Variants in RASEF observed in about 807,000 individuals in gnomAD.
RASEF encodes ras and EF-hand domain-containing protein.
RASEF carries 68 observed loss-of-function variants against 90.1 expected under a neutral mutation model. That is an observed-to-expected ratio of 0.75 (90% CI 0.62 to 0.92). The LOEUF is 0.92. Ranked by LOEUF, RASEF falls within the 40% of genes least tolerant of loss-of-function variation. The pLI, the probability that RASEF is intolerant of heterozygous loss-of-function variation, is 0.00. For synonymous variants in RASEF, 331 were observed against 345.2 expected, an observed-to-expected ratio of 0.96 and a Z score of 0.46; for missense variants, 949 against 937.2, an observed-to-expected ratio of 1.01 and a Z score of -0.16.
At chr9:83,033,217 G>A (rs915573906) in intron 1 of RASEF, among the ~76,000 whole-genome samples, 3 of 152,264 alleles carry the variant, frequency 2.0e-5, no homozygotes, top group Non-Finnish European at 4.4e-5. Context: ...ATCTGAACAT[G>A]AGACATGAAA....
chr9:83,117,118 T>G, the RASEF span, among the ~76,000 whole-genome samples: 1 of 151,716 alleles, frequency 6.6e-6, no homozygotes, highest in Non-Finnish European at 1.5e-5. Context: ...AACTTTCAAC[T>G]CATGTTGGGG....
Position 82,980,498 on chromosome 9 carries a change from A to G in RASEF, c.*2179T>C, listed in dbSNP as rs1289689450. 2 of 152,224 alleles carry G rather than the reference A, an allele frequency of 1.3e-5. No individual in the cohort carries two copies. The highest frequency in any genetic ancestry group is 4.8e-5 in the African/African-American group (2 of 41,468). 9.4% of individuals were successfully genotyped at this position (152,224 alleles called of 1,614,324 possible). ...ATCTCATCAACGTGGCTATACTGAC[A>G]GGACAATCCAGAGGTAAAGACTATG... is the stretch of plus-strand genomic sequence containing the variant. On this transcript the variant is annotated 3_prime_UTR_variant, in exon 17 of 17. Transcript: ENST00000376447.
the RASEF span, among the ~76,000 whole-genome samples, chr9:83,112,550 G>A: frequency 6.6e-6 from 1 of 152,160 alleles, no homozygotes; most frequent in Non-Finnish European, 1.5e-5. Flanking sequence ...AGCTGGGCAT[G>A]GTGGCTCATG....
the RASEF span, among the ~76,000 whole-genome samples, chr9:83,147,148 A>G: frequency 6.6e-6 from 1 of 151,782 alleles, no homozygotes; most frequent in Admixed American, 6.6e-5. Context: ...CACCTCAGAA[A>G]GAACAATTAT....
At position 83,025,057 on chromosome 9, in the gene RASEF, G is replaced by A. The variant is rs112168300; in HGVS notation, c.578+718C>T. On this transcript the variant is annotated intron_variant, in intron 2 of 16. Transcript: ENST00000376447. ...GCTAAAGGAATGCAGTTTTTCCAGG[G>A]GGCAAAGAGGCTGACGTTTGGACTG... Among the ~76,000 whole-genome samples the A allele has an allele frequency of 1.8e-3, 275 of 152,254 alleles. 2 individuals carry two copies. The highest frequency in any genetic ancestry group is 6.3e-3 in the African/African-American group (261 of 41,526).
At chr9:83,153,126 T>C in the RASEF span, among the ~76,000 whole-genome samples, 1 of 152,308 alleles carries the variant, frequency 6.6e-6, no homozygotes, top group African/African-American at 2.4e-5. Context: ...AACTCAGCCA[T>C]AATGATTTTA....
At position 83,005,076 on chromosome 9, in the gene RASEF, T is replaced by C. The variant is rs757308238; in HGVS notation, c.1113+340A>G. The stretch of plus-strand genomic sequence containing the variant: ...GCTAAGCTGATTTCTGTAGGAGGGT[T>C]TGAAATCCAAGGCTCCCATTCTGAG... On this transcript the variant is annotated intron_variant, in intron 8 of 16. Coordinates refer to ENST00000376447, the MANE Select transcript of RASEF (RefSeq NM_152573.4). Among the ~76,000 whole-genome samples the C allele has an allele frequency of 5.1e-4, 77 of 152,124 alleles. 1 individual carries two copies. Among genetic ancestry groups the C allele is most frequent in the Non-Finnish European group, 3.8e-4 (26 of 68,024 alleles).
At chr9:83,104,593 C>T in the RASEF span, among the ~76,000 whole-genome samples, 3 of 152,060 alleles carry the variant, frequency 2.0e-5, no homozygotes, top group Non-Finnish European at 4.4e-5. Flanking sequence ...GGTATCCGTC[C>T]ATCTGAACTA....
At chr9:83,147,387 T>C in the RASEF span, among the ~76,000 whole-genome samples, 1 of 152,160 alleles carries the variant, frequency 6.6e-6, no homozygotes, top group Admixed American at 6.5e-5. Context: ...CATATTAAAA[T>C]TGTGCAAAAA....
the RASEF span, among the ~76,000 whole-genome samples, chr9:83,116,558 G>T: frequency 1.0e-3 from 152 of 152,282 alleles, 1 homozygote; most frequent in African/African-American, 3.6e-3. Context: ...TAGGCTGTAA[G>T]AAAACAAAGT....
intron 5 of RASEF, among the ~76,000 whole-genome samples, chr9:83,011,549 T>TAAA (rs1829243602): frequency 3.3e-4 from 3 of 9,102 alleles, no homozygotes; most frequent in African/African-American, 7.2e-4. Context: ...AGACTCCATC[T>TAAA]CAAAAAAAAA....
chr9:82,990,801 A>G lies in RASEF; in HGVS notation c.2041-334T>C, dbSNP rs139635283. Among the ~76,000 whole-genome samples, 289 of 152,286 alleles carry G rather than the reference A, an allele frequency of 1.9e-3. 1 individual carries two copies. The highest frequency in any genetic ancestry group is 4.8e-3 in the Admixed American group (73 of 15,294). On this transcript the variant is annotated intron_variant, in intron 15 of 16. Transcript: ENST00000376447. ...GACAGATAAAAATGAGTTCAAGGTA[A>G]CCACTCAGGAATTAAATGTCCATCA...
At chr9:82,999,999 AC>A (rs1828995152) in intron 12 of RASEF, among the ~76,000 whole-genome samples, 169 bp downstream of exon 12, 1 of 36,686 alleles carries the variant, frequency 2.7e-5, no homozygotes, top group Non-Finnish European at 6.1e-5. Flanking sequence ...ACACACACAC[AC>A]ACACACACAC....
At chr9:83,004,045 A>G (rs532888740) in intron 9 of RASEF, among the ~76,000 whole-genome samples, 1 of 152,316 alleles carries the variant, frequency 6.6e-6, no homozygotes, top group South Asian at 2.1e-4. Context: ...TTTTACAAGG[A>G]TCTACTAGTG....
At position 83,000,989 on chromosome 9, in the gene RASEF, C is replaced by A. The variant is rs1356592256; in HGVS notation, c.1344G>T (p.Glu448Asp). The change falls in exon 10 of 17, where the codon GAG becomes GAT. Residue 448 changes from glutamate to aspartate, a missense_variant. By Grantham distance (45) the Glu-to-Asp change is conservative (BLOSUM62 2). This residue lies in a region of RASEF where 656 missense variants were observed against 592.2 expected (regional missense o/e 1.11). Transcript: ENST00000376447. ...SGLSTLRDPN[E>D]YDSEVEYKHQ... is the part of the protein sequence containing the mutation. ...GCTTGTATTCCACTTCTGAGTCATA[C>A]TCATTGGGATCTCTCAAGGTAGACA... is the stretch of plus-strand genomic sequence containing the variant. 3 of 1,614,136 alleles carry A rather than the reference C, an allele frequency of 1.9e-6. No homozygotes were observed. Among genetic ancestry groups the A allele is most frequent in the Non-Finnish European group, 2.5e-6 (3 of 1,180,012 alleles).
chr9:83,026,911 A>C (rs1183239568), intron 1 of RASEF, among the ~76,000 whole-genome samples: 1 of 152,060 alleles, frequency 6.6e-6, no homozygotes, highest in African/African-American at 2.4e-5. Context: ...ACAGGTTAAG[A>C]GATCAGTCCC....
the RASEF span, among the ~76,000 whole-genome samples, chr9:83,088,113 A>C: frequency 7.4e-4 from 112 of 152,122 alleles, no homozygotes; most frequent in African/African-American, 2.5e-3. Context: ...TGTGTGATGA[A>C]TTCTTTTATA....
At chr9:83,017,239 ACT>A (rs1587497995) in intron 3 of RASEF, among the ~76,000 whole-genome samples, 1 of 149,764 alleles carries the variant, frequency 6.7e-6, no homozygotes, top group African/African-American at 2.5e-5. Flanking sequence ...TAATCCCAAC[ACT>A]CTGGGAGGCC....
At chr9:83,007,116 G>A (rs151169041) in intron 7 of RASEF, among the ~76,000 whole-genome samples, 42 of 147,576 alleles carry the variant, frequency 2.8e-4, no homozygotes, top group African/African-American at 9.1e-4. Context: ...AAAAACTCAC[G>A]GTACAGAACT....
Sources: allele counts gnomAD v4.1 joint callset (sites outside exome capture counted in the v4.1 genomes callset), GRCh38; gene constraint gnomAD v4.1.1; regional missense constraint gnomAD v4.1.1; transcripts MANE v1.5; gene names NCBI Gene and HGNC (gene_info 2026-07-23, HGNC 2026-07-21).